Variants in WNT4 observed in about 807,000 individuals in gnomAD.
The protein encoded by WNT4 is protein Wnt-4.
In WNT4, 16 loss-of-function variants were observed where a neutral mutation model predicts 34.5. That is an observed-to-expected ratio of 0.46 (90% CI 0.31 to 0.70). The LOEUF (loss-of-function observed/expected upper bound fraction) is 0.70, where lower values mean the gene tolerates loss of function less well. WNT4 is among the 30% of genes least tolerant of loss of function. The pLI, the probability that WNT4 is intolerant of heterozygous loss-of-function variation, is 0.04. For missense variants in WNT4, 379 were observed against 495.9 expected (o/e 0.76, Z 2.24); for synonymous variants, 200 against 211.9 (o/e 0.94, Z 0.49).
Position 22,142,891 on chromosome 1 carries a change from C to G in WNT4, c.32G>C (p.Arg11Pro). 8.3e-7 allele frequency: 1 copy of G among 1,209,384 alleles called. No individual in the cohort carries two copies. The highest frequency in any genetic ancestry group is 1.1e-6 in the Non-Finnish European group (1 of 944,972). 74.9% of individuals were successfully genotyped at this position (1,209,384 alleles called of 1,614,324 possible). MSPRSCLRSL[R>P]LLVFAVFSAA... is the part of the protein sequence containing the mutation. ...TGAGAAGACGGCGAAGACGAGGAGGCGCAGCGAACGCAGGCACGAGCGGGG... is the reference window on the plus strand; with the variant it reads ...TGAGAAGACGGCGAAGACGAGGAGGGGCAGCGAACGCAGGCACGAGCGGGG... The change falls in exon 1 of 5, where the codon CGC becomes CCC. Residue 11 changes from arginine to proline, a missense_variant. Physicochemically the swap from Arg to Pro is moderately radical, Grantham distance 103. Coordinates refer to ENST00000290167, the MANE Select transcript of WNT4 (RefSeq NM_030761.5). This position sits in a 1 kb window ranked among gnomAD's most constrained non-coding sequence, Gnocchi z 6.0.
chr1:22,129,831 G>A lies in WNT4; in HGVS notation c.98C>T (p.Ser33Leu), dbSNP rs1370639387. ...SNWLYLAKLSSVGSISEEETC... is the reference protein window; with the variant it reads ...SNWLYLAKLSLVGSISEEETC... ...CTCCTCCTCTGAGATGCTCCCCACC[G>A]ACGACAGCTTGGCCAGGTACCTGGG... Residue 33 changes from serine (S) to leucine (L), a missense_variant, in exon 2 of 5, where the codon TCG becomes TTG. By Grantham distance (145) the Ser-to-Leu change is moderately radical. This residue lies in a region of WNT4 where 66 missense variants were observed against 50.1 expected (regional missense o/e 1.32). Transcript: ENST00000290167. 3.1e-6 allele frequency: 5 copies of A among 1,613,662 alleles called. No homozygotes were observed. Among genetic ancestry groups the A allele is most frequent in the Admixed American group, 1.7e-5 (1 of 60,004 alleles).
Position 22,129,578 on chromosome 1 carries a change from C to T in WNT4, c.313+38G>A, listed in dbSNP as rs750193863. On this transcript the variant is annotated intron_variant, in intron 2 of 4. Transcript: ENST00000290167. Reference sequence around the variant, plus strand: ...TCCTGCTGGGCCCATGCCCTGGCACCGCAGGCTCCCCTGCAGCCCCGCACG... The same window carrying T: ...TCCTGCTGGGCCCATGCCCTGGCACTGCAGGCTCCCCTGCAGCCCCGCACG... 30 of 1,593,266 alleles carry T rather than the reference C, an allele frequency of 1.9e-5. No homozygotes were observed. In the East Asian group the frequency reaches 2.1e-4, roughly 11 times the overall value.
chr1:22,122,635 CCTT>C (rs371501695), intron 2 of WNT4, among the ~76,000 whole-genome samples: 46 of 152,286 alleles, frequency 3.0e-4, no homozygotes, highest in African/African-American at 9.9e-4. Context: ...CTGTGACTGT[CCTT>C]CTGTCTCTTG....
Position 22,119,696 on chromosome 1 carries a change from T to C in WNT4, c.*354A>G. The C allele has an allele frequency of 2.6e-6, 1 of 384,014 alleles. No individual in the cohort carries two copies. The highest frequency in any genetic ancestry group is 4.9e-6 in the Non-Finnish European group (1 of 205,654). The allele number at this position is 384,014 out of a possible 1,614,324, so 23.8% of individuals were successfully genotyped here. On this transcript the variant is annotated 3_prime_UTR_variant, in exon 5 of 5. Transcript: ENST00000290167. ...GGCCCCCTCTTCCCCGATGACACGG[T>C]CAGTAGCCATGTGGTGGTAATACTC...
rs1350828132 is a variant in WNT4, at chr1:22,142,676, G to C, written c.77+170C>G. Among the ~76,000 whole-genome samples the C allele has an allele frequency of 5.3e-5, 8 of 151,654 alleles. No individual in the cohort carries two copies. Among genetic ancestry groups the C allele is most frequent in the Non-Finnish European group, 1.2e-4 (8 of 67,866 alleles). On this transcript the variant is annotated intron_variant, in intron 1 of 4. Coordinates refer to ENST00000290167, the MANE Select transcript of WNT4 (RefSeq NM_030761.5). The surrounding 1 kb of genome is among the most constrained non-coding windows in gnomAD (Gnocchi z 6.0). Reference sequence around the variant, plus strand: ...CAGGAGGGGACCCCGGGTGTGCAGAGGGACGTTCGGGCCGTGGCGGCGGCA... The same window carrying C: ...CAGGAGGGGACCCCGGGTGTGCAGACGGACGTTCGGGCCGTGGCGGCGGCA...
At chr1:22,126,607 G>T (rs1320003886) in intron 2 of WNT4, among the ~76,000 whole-genome samples, 2 of 152,202 alleles carry the variant, frequency 1.3e-5, no homozygotes, top group African/African-American at 4.8e-5. Flanking sequence ...TCAGACCCCG[G>T]GGTGGGTCTG....
At chr1:22,141,779 T>G (rs1010320198) in intron 1 of WNT4, among the ~76,000 whole-genome samples, 1 of 152,124 alleles carries the variant, frequency 6.6e-6, no homozygotes, top group Non-Finnish European at 1.5e-5. Context: ...ATGGGAGATA[T>G]TTGTTCTTTG....
At chr1:22,141,626 C>T (rs918358576) in intron 1 of WNT4, among the ~76,000 whole-genome samples, 25 of 152,220 alleles carry the variant, frequency 1.6e-4, no homozygotes, top group African/African-American at 6.0e-4. Flanking sequence ...GCTCTCGGAA[C>T]AGCTGGGAGA....
chr1:22,142,023 C>A lies in WNT4; in HGVS notation c.77+823G>T, dbSNP rs1260726322. On this transcript the variant is annotated intron_variant, in intron 1 of 4. Coordinates refer to ENST00000290167, the MANE Select transcript of WNT4 (RefSeq NM_030761.5). The surrounding 1 kb of genome is among the most constrained non-coding windows in gnomAD (Gnocchi z 6.0). ...AGCGGGGATGAAAGGAGCGCGGGTC[C>A]GCTTGCTCCCTGTCCACCCACTCAC... is the stretch of plus-strand genomic sequence containing the variant. 6.6e-6 allele frequency among the ~76,000 whole-genome samples: 1 copy of A among 152,170 alleles called. No homozygotes were observed. Among genetic ancestry groups the A allele is most frequent in the Non-Finnish European group, 1.5e-5 (1 of 68,028 alleles).
intron 2 of WNT4, among the ~76,000 whole-genome samples, chr1:22,122,746 C>T (rs12037005): frequency 0.049 from 7,468 of 152,324 alleles, 290 homozygotes; most frequent in East Asian, 0.19. Flanking sequence ...TCGGCTGCCC[C>T]AGGGAGCAGT....
At chr1:22,141,664 C>T (rs1646068467) in intron 1 of WNT4, among the ~76,000 whole-genome samples, 2 of 152,194 alleles carry the variant, frequency 1.3e-5, no homozygotes, top group South Asian at 4.1e-4. Context: ...TCCCCCAAGC[C>T]CTGGGTGGCT....
At chr1:22,131,627 C>T (rs1645984332) in intron 1 of WNT4, among the ~76,000 whole-genome samples, 1 of 152,182 alleles carries the variant, frequency 6.6e-6, no homozygotes, top group South Asian at 2.1e-4. Flanking sequence ...CGGTTCTCAC[C>T]CAGAGGGCTG....
chr1:22,135,760 GCA>G (rs1243544596), intron 1 of WNT4, among the ~76,000 whole-genome samples: 1 of 152,146 alleles, frequency 6.6e-6, no homozygotes, highest in Non-Finnish European at 1.5e-5. Flanking sequence ...CTCAGCCTTA[GCA>G]TGGTCCTAGG....
Position 22,120,029 on chromosome 1 carries a change from G to A in WNT4, c.*21C>T, listed in dbSNP as rs775701249. 120 of 1,603,094 alleles carry A rather than the reference G, an allele frequency of 7.5e-5. No individual in the cohort carries two copies. Among genetic ancestry groups the A allele is most frequent in the African/African-American group, 5.5e-4 (41 of 75,010 alleles). ...TTCCCTGGGCCACTAGGTGGTTGCCGGCGCAGGGCTAGGCAGGCGGTCATC... is the reference window on the plus strand; with the variant it reads ...TTCCCTGGGCCACTAGGTGGTTGCCAGCGCAGGGCTAGGCAGGCGGTCATC... On this transcript the variant is annotated 3_prime_UTR_variant, in exon 5 of 5. Transcript: ENST00000290167.
chr1:22,137,335 CA>C lies in WNT4; in HGVS notation c.77+5510del, dbSNP rs1646030942. 1.3e-5 allele frequency among the ~76,000 whole-genome samples: 2 copies of C among 152,176 alleles called. No homozygotes were observed. The highest frequency in any genetic ancestry group is 4.8e-5 in the African/African-American group (2 of 41,438). ...TTCAGGACTCAGAGATAAAACCTGG[CA>C]ACTCCTGTGGAAATCTGGAGAGCAA... On this transcript the variant is annotated intron_variant, in intron 1 of 4. Coordinates refer to ENST00000290167, the MANE Select transcript of WNT4 (RefSeq NM_030761.5). This position sits in a 1 kb window ranked among gnomAD's most constrained non-coding sequence, Gnocchi z 5.3.
intron 2 of WNT4, among the ~76,000 whole-genome samples, chr1:22,123,492 A>G (rs756910086): frequency 6.6e-5 from 10 of 152,284 alleles, no homozygotes; most frequent in Middle Eastern, 6.8e-3. Context: ...GAAGGAAGAT[A>G]ATAATAACGA....
At chr1:22,128,275 G>T (rs1490085608) in intron 2 of WNT4, among the ~76,000 whole-genome samples, 1 of 152,220 alleles carries the variant, frequency 6.6e-6, no homozygotes, top group African/African-American at 2.4e-5. Context: ...GACCACAGGT[G>T]TCAGGAGAAG....
At chr1:22,126,088 G>A (rs375743666) in intron 2 of WNT4, among the ~76,000 whole-genome samples, 1 of 152,128 alleles carries the variant, frequency 6.6e-6, no homozygotes, top group East Asian at 1.9e-4. Context: ...AAGAACCACC[G>A]ATCCCCGCCC....
intron 1 of WNT4, among the ~76,000 whole-genome samples, chr1:22,135,143 A>G (rs1646012530): frequency 6.6e-6 from 1 of 152,180 alleles, no homozygotes; most frequent in Non-Finnish European, 1.5e-5. Context: ...GGGCAGGGAC[A>G]GTGGTGTGCA....
Sources: allele counts gnomAD v4.1 joint callset (sites outside exome capture counted in the v4.1 genomes callset), GRCh38; gene constraint gnomAD v4.1.1; regional missense constraint gnomAD v4.1.1; non-coding constraint Gnocchi (gnomAD v3.1); transcripts MANE v1.5; gene names NCBI Gene and HGNC (gene_info 2026-07-23, HGNC 2026-07-21).